The following TRADD variants were observed in gnomAD, a reference collection of about 807,000 sequenced individuals.
The protein encoded by TRADD is tumor necrosis factor receptor type 1-associated DEATH domain protein.
Under a neutral mutation model 31.5 loss-of-function variants are expected in TRADD, and 14 were observed. The ratio of observed to expected loss-of-function variants is 0.44; its 90% CI spans 0.29 to 0.69. The LOEUF is 0.69. TRADD is among the 30% of genes least tolerant of loss of function. The pLI is 0.11. For synonymous variants in TRADD, 220 were observed against 215.8 expected (o/e 1.02, Z -0.17); for missense variants, 388 against 435.7 (o/e 0.89, Z 0.97).
Position 67,154,627 on chromosome 16 carries a change from A to G in TRADD, c.*22T>C, listed in dbSNP as rs1693033239. The G allele has an allele frequency of 6.2e-7, 1 of 1,609,416 alleles. No homozygotes were observed. ...AACCCTAAGGCCATCCAGGTTCTCC[A>G]AAAGCTGGCTGCACCCCTGGTCTAG... On this transcript the variant is annotated 3_prime_UTR_variant, in exon 5 of 5. Coordinates refer to ENST00000345057, the MANE Select transcript of TRADD (RefSeq NM_003789.4). This position sits in a 1 kb window ranked among gnomAD's most constrained non-coding sequence, Gnocchi z 5.2.
In TRADD at chr16:67,154,625, C is replaced by G. The variant is rs150959612; in HGVS notation, c.*24G>C. The G allele has an allele frequency of 6.2e-7, 1 of 1,608,626 alleles. No individual in the cohort carries two copies. Among genetic ancestry groups the G allele is most frequent in the African/African-American group, 1.3e-5 (1 of 74,950 alleles). On this transcript the variant is annotated 3_prime_UTR_variant, in exon 5 of 5. Transcript: ENST00000345057. This position sits in a 1 kb window ranked among gnomAD's most constrained non-coding sequence, Gnocchi z 5.2. ...GGAACCCTAAGGCCATCCAGGTTCT[C>G]CAAAAGCTGGCTGCACCCCTGGTCT... is the stretch of plus-strand genomic sequence containing the variant.
At position 67,155,435 on chromosome 16, in the gene TRADD, C is replaced by G. The variant is rs200847845; in HGVS notation, c.371G>C (p.Arg124Pro). 1.1e-4 allele frequency: 180 copies of G among 1,596,612 alleles called. 1 individual carries two copies. The highest frequency in any genetic ancestry group is 3.3e-4 in the Middle Eastern group (2 of 6,044). The change falls in exon 3 of 5, where the codon CGG becomes CCG. Residue 124 changes from arginine (R) to proline (P), a missense_variant. By Grantham distance (103) the Arg-to-Pro change is moderately radical. Transcript: ENST00000345057. ...CTCGTCCGCCAGCAAAGCGTCCAGC[C>G]GCTCGGCGCCGGCGCGCAGCTCCAG... Reference protein sequence around the residue: ...LQLELRAGAERLDALLADEER... With the variant: ...LQLELRAGAEPLDALLADEER...
chr16:67,155,488 C>G lies in TRADD; in HGVS notation c.318G>C (p.Ala106=). 1.3e-6 allele frequency: 2 copies of G among 1,563,914 alleles called. No individual in the cohort carries two copies. The highest frequency in any genetic ancestry group is 1.7e-4 in the Middle Eastern group (1 of 5,880). Residue 106 remains alanine (A), a synonymous_variant, in exon 3 of 5, where the codon GCG becomes GCC. Coordinates refer to ENST00000345057, the MANE Select transcript of TRADD (RefSeq NM_003789.4). ...GCAGCGGCACCGAGTGCTGGGCGAG[C>G]GCGGCCGCCAGGCTCCTCTGCAGCG... is the stretch of plus-strand genomic sequence containing the variant. The part of the protein sequence containing the change: ...RAALQRSLAA[A]LAQHSVPLQL...
In TRADD at chr16:67,155,372, C is replaced by T; in HGVS notation, c.429+5G>A. On this transcript the variant is annotated splice_donor_5th_base_variant and intron_variant, in intron 3 of 4. Transcript: ENST00000345057. The stretch of plus-strand genomic sequence containing the variant: ...TACCCCATCCTGACCCTAGCCCGGC[C>T]GCACCTGCTGGGCTAGGATGCAACT... 2.5e-6 allele frequency: 4 copies of T among 1,601,254 alleles called. No homozygotes were observed. Among genetic ancestry groups the T allele is most frequent in the South Asian group, 1.1e-5 (1 of 91,048 alleles).
At chr16:67,158,009 G>A (rs1035618317) in intron 1 of TRADD, among the ~76,000 whole-genome samples, 2 of 152,040 alleles carry the variant, frequency 1.3e-5, no homozygotes, top group Non-Finnish European at 2.9e-5. Flanking sequence ...TATATATGGT[G>A]GGCTAAGAGG....
At position 67,156,035 on chromosome 16, in the gene TRADD, C is replaced by T. The variant is rs970822579; in HGVS notation, c.152-381G>A. The T allele has an allele frequency of 7.3e-6, 10 of 1,367,734 alleles. No individual in the cohort carries two copies. The highest frequency in any genetic ancestry group is 7.7e-6 in the Non-Finnish European group (8 of 1,040,950). The allele number at this position is 1,367,734 out of a possible 1,614,324, so 84.7% of individuals were successfully genotyped here. On this transcript the variant is annotated intron_variant, in intron 2 of 4. Coordinates refer to ENST00000345057, the MANE Select transcript of TRADD (RefSeq NM_003789.4). This position sits in a 1 kb window ranked among gnomAD's most constrained non-coding sequence, Gnocchi z 4.6. ...GCGAGAGGTCTCAGGTCTTCGGCCTCCACCAAGCGCGACTCCCACTGCTCG... is the reference window on the plus strand; with the variant it reads ...GCGAGAGGTCTCAGGTCTTCGGCCTTCACCAAGCGCGACTCCCACTGCTCG...
rs769730192 is a variant in TRADD at position 67,156,307 on chromosome 16, T to C, written c.151+203A>G. The C allele has an allele frequency of 1.3e-4, 148 of 1,139,854 alleles. No individual in the cohort carries two copies. Among genetic ancestry groups the C allele is most frequent in the Non-Finnish European group, 1.6e-4 (133 of 808,236 alleles). 70.6% of individuals were successfully genotyped at this position (1,139,854 alleles called of 1,614,324 possible). A position where few individuals can be genotyped will look rare whatever the true frequency, so the allele number is the denominator to read the frequency against. ...GGAGCAAAGGACGTTAGTGCACAAA[T>C]TGGTAAATCATACACAGACTCGAGA... On this transcript the variant is annotated intron_variant, in intron 2 of 4. Coordinates refer to ENST00000345057, the MANE Select transcript of TRADD (RefSeq NM_003789.4). The surrounding 1 kb of genome is among the most constrained non-coding windows in gnomAD (Gnocchi z 4.6).
Position 67,159,422 on chromosome 16 carries a change from C to T in TRADD, c.-9+416G>A, listed in dbSNP as rs2030820289. ...AGAACTGAAAGCCTGTGACTCCTTG[C>T]GACCCGCCGGGCACACCCCCTACTC... On this transcript the variant is annotated intron_variant, in intron 1 of 4. Transcript: ENST00000345057. This position sits in a 1 kb window ranked among gnomAD's most constrained non-coding sequence, Gnocchi z 6.8. Among the ~76,000 whole-genome samples the T allele has an allele frequency of 6.6e-6, 1 of 152,200 alleles. No homozygotes were observed.
intron 1 of TRADD, among the ~76,000 whole-genome samples, chr16:67,157,996 G>T (rs2030760772): frequency 6.7e-6 from 1 of 148,344 alleles, no homozygotes; most frequent in Admixed American, 6.6e-5. Flanking sequence ...TCTCATCAGG[G>T]TTTATATATG....
chr16:67,156,048 C>T lies in TRADD; in HGVS notation c.152-394G>A. On this transcript the variant is annotated intron_variant, in intron 2 of 4. Transcript: ENST00000345057. This position sits in a 1 kb window ranked among gnomAD's most constrained non-coding sequence, Gnocchi z 4.6. ...GGTCTTCGGCCTCCACCAAGCGCGACTCCCACTGCTCGGGAAGAAGAGGGG... is the reference window on the plus strand; with the variant it reads ...GGTCTTCGGCCTCCACCAAGCGCGATTCCCACTGCTCGGGAAGAAGAGGGG... 7.4e-7 allele frequency: 1 copy of T among 1,359,498 alleles called. No individual in the cohort carries two copies. The highest frequency in any genetic ancestry group is 9.7e-7 in the Non-Finnish European group (1 of 1,035,742). 84.2% of individuals were successfully genotyped at this position (1,359,498 alleles called of 1,614,324 possible).
chr16:67,154,354 G>A lies in TRADD; in HGVS notation c.*295C>T. ...CACCAAAGATCAAGGTGCTTCATGA[G>A]TGAAACTGTAAGGGCTGGCTGTAAG... On this transcript the variant is annotated 3_prime_UTR_variant, in exon 5 of 5. Transcript: ENST00000345057. The surrounding 1 kb of genome is among the most constrained non-coding windows in gnomAD (Gnocchi z 5.2). 5.5e-6 allele frequency: 3 copies of A among 541,630 alleles called. No individual in the cohort carries two copies. The allele number at this position is 541,630 out of a possible 1,614,324, so 33.6% of individuals were successfully genotyped here.
intron 1 of TRADD, among the ~76,000 whole-genome samples, chr16:67,158,664 C>A (rs559475153): frequency 6.6e-6 from 1 of 152,224 alleles, no homozygotes; most frequent in South Asian, 2.1e-4. Context: ...GACATATTTT[C>A]TTTGTATTAA....
In TRADD at chr16:67,154,414, C is replaced by T. The variant is rs755147409; in HGVS notation, c.*235G>A. 32 of 601,354 alleles carry T rather than the reference C, an allele frequency of 5.3e-5. No homozygotes were observed. The highest frequency in any genetic ancestry group is 8.2e-5 in the Non-Finnish European group (28 of 339,582). The allele number at this position is 601,354 out of a possible 1,614,324, so 37.3% of individuals were successfully genotyped here. A position where few individuals can be genotyped will look rare whatever the true frequency, so the allele number is the denominator to read the frequency against. ...TGGGATGGGAGAAGGTGAGGCTGATCTCCAAAGCAGGTCCCCCCCACCCCA... is the reference window on the plus strand; with the variant it reads ...TGGGATGGGAGAAGGTGAGGCTGATTTCCAAAGCAGGTCCCCCCCACCCCA... On this transcript the variant is annotated 3_prime_UTR_variant, in exon 5 of 5. Transcript: ENST00000345057. This position sits in a 1 kb window ranked among gnomAD's most constrained non-coding sequence, Gnocchi z 5.2.
intron 1 of TRADD, among the ~76,000 whole-genome samples, chr16:67,158,865 T>C (rs1017887743): frequency 6.6e-5 from 10 of 152,104 alleles, no homozygotes; most frequent in African/African-American, 2.4e-4. Context: ...CATGTCTTTC[T>C]GGCCCCTTGA....
rs547124793 is a variant in TRADD at position 67,155,417 on chromosome 16, G to T, written c.389C>A (p.Ala130Glu). Residue 130 changes from alanine to glutamate, a missense_variant, in exon 3 of 5, where the codon GCG becomes GAG. Coordinates refer to ENST00000345057, the MANE Select transcript of TRADD (RefSeq NM_003789.4). ...GCAACTCAAACAGCGCTCCTCGTCC[G>T]CCAGCAAAGCGTCCAGCCGCTCGGC... is the stretch of plus-strand genomic sequence containing the variant. ...AGAERLDALL[A>E]DEERCLSCIL... The T allele has an allele frequency of 7.6e-5, 121 of 1,597,692 alleles. No homozygotes were observed. The East Asian group carries it at 2.3e-3, about 31-fold the overall frequency.
chr16:67,156,710 C>A lies in TRADD; in HGVS notation c.-8-42G>T, dbSNP rs1489679566. 6.2e-7 allele frequency: 1 copy of A among 1,610,302 alleles called. No homozygotes were observed. The highest frequency in any genetic ancestry group is 1.7e-5 in the Admixed American group (1 of 60,004). The stretch of plus-strand genomic sequence containing the variant: ...TCAGGTATCCAGTTCATCCCCCCTC[C>A]CTCCACCCTGGAGACAACTACCCAG... On this transcript the variant is annotated intron_variant, in intron 1 of 4. Transcript: ENST00000345057. The surrounding 1 kb of genome is among the most constrained non-coding windows in gnomAD (Gnocchi z 4.6).
intron 1 of TRADD, among the ~76,000 whole-genome samples, chr16:67,158,348 T>C (rs1160178048): frequency 6.6e-6 from 1 of 152,152 alleles, no homozygotes; most frequent in Non-Finnish European, 1.5e-5. Context: ...GTATTTTTAG[T>C]AGAGATGGAG....
chr16:67,158,779 A>G (rs1411057637), intron 1 of TRADD, among the ~76,000 whole-genome samples: 7 of 152,200 alleles, frequency 4.6e-5, no homozygotes, highest in African/African-American at 1.4e-4. Flanking sequence ...CGGAGGTGAG[A>G]TAAGGGGGGA....
rs1273490922 is a variant in TRADD, at chr16:67,155,412, C to T, written c.394G>A (p.Glu132Lys). The change falls in exon 3 of 5, where the codon GAG becomes AAG. Residue 132 changes from glutamate (E) to lysine (K), a missense_variant. Glu to Lys is a moderately conservative substitution (Grantham distance 56, BLOSUM62 1). Coordinates refer to ENST00000345057, the MANE Select transcript of TRADD (RefSeq NM_003789.4). Reference sequence around the variant, plus strand: ...AGGATGCAACTCAAACAGCGCTCCTCGTCCGCCAGCAAAGCGTCCAGCCGC... The same window carrying T: ...AGGATGCAACTCAAACAGCGCTCCTTGTCCGCCAGCAAAGCGTCCAGCCGC... ...AERLDALLAD[E>K]ERCLSCILAQ... The T allele has an allele frequency of 6.3e-7, 1 of 1,597,940 alleles. No homozygotes were observed. The highest frequency in any genetic ancestry group is 8.5e-7 in the Non-Finnish European group (1 of 1,179,504).
Sources: allele counts gnomAD v4.1 joint callset (sites outside exome capture counted in the v4.1 genomes callset), GRCh38; gene constraint gnomAD v4.1.1; non-coding constraint Gnocchi (gnomAD v3.1); transcripts MANE v1.5; gene names NCBI Gene and HGNC (gene_info 2026-07-23, HGNC 2026-07-21).